Variants in CTPS1 observed in about 807,000 individuals in gnomAD.
CTPS1 encodes the protein CTP synthetase 1.
CTPS1 carries 25 observed loss-of-function variants against 80.5 expected under a neutral mutation model. That is an observed-to-expected ratio of 0.31 (90% CI 0.23 to 0.43). The LOEUF is 0.43. Ranked by LOEUF, CTPS1 falls within the 20% of genes least tolerant of loss-of-function variation. CTPS1 has a pLI of 1.00. For missense variants in CTPS1, 442 were observed against 725.7 expected, an observed-to-expected ratio of 0.61 and a Z score of 4.49; for synonymous variants, 267 against 252.5, an observed-to-expected ratio of 1.06 and a Z score of -0.54.
Position 40,987,419 on chromosome 1 carries a change from G to T in CTPS1, c.385G>T (p.Ala129Ser). 1 of 1,614,126 alleles carries T rather than the reference G, an allele frequency of 6.2e-7. No homozygotes were observed. ...AATCCAGGAGTGGGTGATGAGACAG[G>T]CGTTAATACCTGTAGATGAAGATGG... is the stretch of plus-strand genomic sequence containing the variant. ...DAIQEWVMRQ[A>S]LIPVDEDGLE... The change falls in exon 4 of 19, where the codon GCG (alanine) becomes TCG (serine). Residue 129 changes from alanine to serine, a missense_variant. Ala to Ser is a moderately conservative substitution (Grantham distance 99). Transcript: ENST00000650070.
chr1:41,011,316 C>G (rs557813339), intron 18 of CTPS1, among the ~76,000 whole-genome samples: 2 of 152,188 alleles, frequency 1.3e-5, no homozygotes, highest in African/African-American at 4.8e-5. Flanking sequence ...GGAGCTGATA[C>G]AACAAGAACT....
rs540382936 is a variant in CTPS1, at chr1:40,994,786, A to G, written c.721-1131A>G. Among the ~76,000 whole-genome samples, 4 of 152,302 alleles carry G rather than the reference A, an allele frequency of 2.6e-5. No individual in the cohort carries two copies. In the South Asian group the frequency reaches 8.3e-4, roughly 32 times the overall value. On this transcript the variant is annotated intron_variant, in intron 7 of 18. Transcript: ENST00000650070. ...TTTAAATAGTAAACATTAATATTAA[A>G]CCATGTGATGTTTACTGTGGGTTTT...
intron 1 of CTPS1, 52 bp from the exon 2 acceptor site, chr1:40,983,226 G>A (rs1007151352): frequency 6.7e-7 from 1 of 1,497,016 alleles, no homozygotes; most frequent in African/African-American, 1.4e-5. Context: ...ACCCAGATGA[G>A]TTTGGTTTGT....
At chr1:41,002,386 A>T in intron 11 of CTPS1, 132 bp downstream of exon 11, 2 of 704,352 alleles carry the variant, frequency 2.8e-6, no homozygotes, top group Admixed American at 4.9e-5. Context: ...CTCAAGTAGA[A>T]GCCTTCATGT....
chr1:40,984,668 T>C (rs1489945243), intron 2 of CTPS1, among the ~76,000 whole-genome samples, 153 bp from the exon 3 acceptor site: 2 of 152,236 alleles, frequency 1.3e-5, no homozygotes, highest in Non-Finnish European at 2.9e-5. Flanking sequence ...TTTTTCTTTT[T>C]GTGTGTCATA....
Position 40,996,151 on chromosome 1 carries a change from T to A in CTPS1, c.872+83T>A, listed in dbSNP as rs184213466. ...GTGAAGCCGACTCTAGCCCTAGCAC[T>A]TTTGTACTTTTGCACTTCTGCCATC... On this transcript the variant is annotated intron_variant, in intron 8 of 18. Coordinates refer to ENST00000650070, the MANE Select transcript of CTPS1 (RefSeq NM_001905.4). 1,245 of 1,474,366 alleles carry A rather than the reference T, an allele frequency of 8.4e-4. 12 individuals are homozygous for A. The highest frequency in any genetic ancestry group is 1.8e-4 in the Non-Finnish European group (196 of 1,067,294). The allele number at this position is 1,474,366 out of a possible 1,614,324, so 91.3% of individuals were successfully genotyped here.
At chr1:41,004,849 C>CT (rs748360952) in intron 12 of CTPS1, among the ~76,000 whole-genome samples, 1 of 152,170 alleles carries the variant, frequency 6.6e-6, no homozygotes, top group Non-Finnish European at 1.5e-5. Flanking sequence ...AAAAACTTGG[C>CT]TGGGCATGGT....
intron 1 of CTPS1, among the ~76,000 whole-genome samples, chr1:40,982,474 C>G (rs1219414467): frequency 2.0e-5 from 3 of 151,960 alleles, no homozygotes; most frequent in Non-Finnish European, 1.5e-5. Context: ...ACTGCAACCT[C>G]TGTCTCCTGG....
At chr1:40,991,422 C>G (rs78549935) in intron 6 of CTPS1, among the ~76,000 whole-genome samples, 174 bp downstream of exon 6, 1 of 152,110 alleles carries the variant, frequency 6.6e-6, no homozygotes, top group Non-Finnish European at 1.5e-5. Context: ...ATACTTAGAG[C>G]GTGTTAGGTC....
chr1:40,985,015 G>C, intron 3 of CTPS1, 24 bp downstream of exon 3: 1 of 1,506,230 alleles, frequency 6.6e-7, no homozygotes, highest in African/African-American at 1.4e-5. Context: ...TACCTTTAAA[G>C]CTTAAAAGTC....
chr1:40,987,321 A>G (rs190246847), intron 3 of CTPS1, 51 bp from the exon 4 acceptor site: 53 of 1,339,794 alleles, frequency 4.0e-5, no homozygotes, highest in Admixed American at 1.0e-4. Flanking sequence ...ATTTGTCTCA[A>G]TCAATGTAGA....
intron 5 of CTPS1, 123 bp from the exon 6 acceptor site, chr1:40,991,042 C>G (rs538323954): frequency 6.1e-5 from 43 of 708,070 alleles, no homozygotes; most frequent in Admixed American, 2.8e-4. Context: ...AACATAAAAG[C>G]TAAATTACAC....
intron 2 of CTPS1, 133 bp downstream of exon 2, chr1:40,983,589 T>C: frequency 1.5e-6 from 1 of 667,796 alleles, no homozygotes; most frequent in East Asian, 2.8e-5. Context: ...GAATGATACT[T>C]TTCTCACCTA....
In CTPS1 at chr1:41,001,107, T is replaced by C; in HGVS notation, c.1084T>C (p.Cys362Arg). ...CTACCACGAAGCTTGGCAGAAGCTC[T>C]GTAGTGCTCAGTGAGTAGAGTTCGC... ...VRYHEAWQKL[C>R]SAHGVLVPGG... The change falls in exon 10 of 19, where the codon TGT (cysteine) becomes CGT (arginine). Residue 362 changes from cysteine (C) to arginine (R), a missense_variant. Coordinates refer to ENST00000650070, the MANE Select transcript of CTPS1 (RefSeq NM_001905.4). The C allele has an allele frequency of 6.2e-7, 1 of 1,609,394 alleles. No individual in the cohort carries two copies. The highest frequency in any genetic ancestry group is 8.5e-7 in the Non-Finnish European group (1 of 1,178,664).
rs1230865132 is a variant in CTPS1, at chr1:41,007,235, G to C, written c.1297-214G>C. Among the ~76,000 whole-genome samples, 2 of 152,230 alleles carry C rather than the reference G, an allele frequency of 1.3e-5. No individual in the cohort carries two copies. Among genetic ancestry groups the C allele is most frequent in the Admixed American group, 6.5e-5 (1 of 15,280 alleles). ...AGGGGCTGCTGTGGTCCTGTCTGCA[G>C]ATCAGGAGGACAGGCTGAAGGACGG... On this transcript the variant is annotated intron_variant, in intron 13 of 18. Coordinates refer to ENST00000650070, the MANE Select transcript of CTPS1 (RefSeq NM_001905.4). The surrounding 1 kb of genome is among the most constrained non-coding windows in gnomAD (Gnocchi z 4.4).
chr1:41,005,028 C>T (rs1642997847), intron 12 of CTPS1, among the ~76,000 whole-genome samples: 1 of 151,978 alleles, frequency 6.6e-6, no homozygotes, highest in Non-Finnish European at 1.5e-5. Flanking sequence ...ACTTGGGAGG[C>T]CAAGACATGA....
intron 7 of CTPS1, among the ~76,000 whole-genome samples, chr1:40,993,058 C>CT (rs917349446): frequency 4.7e-5 from 7 of 149,148 alleles, no homozygotes; most frequent in East Asian, 2.0e-4. Flanking sequence ...AGATTTTTTG[C>CT]TTTTTTTTTG....
intron 9 of CTPS1, among the ~76,000 whole-genome samples, chr1:40,998,127 G>A (rs1025213019): frequency 1.3e-5 from 2 of 152,142 alleles, no homozygotes; most frequent in Non-Finnish European, 2.9e-5. Context: ...GGCTAGGCGC[G>A]TTGGCTCATG....
intron 17 of CTPS1, 152 bp downstream of exon 17, chr1:41,009,741 C>G: frequency 1.1e-6 from 1 of 921,280 alleles, no homozygotes; most frequent in Non-Finnish European, 1.6e-6. Context: ...CCGGAGCTTT[C>G]TCACGGTGTT....
Sources: gnomAD v4.1 joint callset for allele counts (sites outside exome capture counted in the v4.1 genomes callset) on GRCh38, gnomAD v4.1.1 for gene constraint, Gnocchi (gnomAD v3.1) non-coding constraint, MANE v1.5 for transcripts, NCBI Gene and HGNC (gene_info 2026-07-23, HGNC 2026-07-21) for gene names.